SGCE: variants seen among roughly 807,000 people sequenced by gnomAD.
The protein encoded by SGCE is sarcoglycan epsilon.
A neutral mutation model predicts 57.8 loss-of-function variants in SGCE; 26 were observed. That is an observed-to-expected ratio of 0.45 (90% CI 0.33 to 0.62). The LOEUF is 0.62. SGCE is among the 20% of genes least tolerant of loss of function. SGCE has a pLI of 0.02. For synonymous variants in SGCE, 183 were observed against 189.5 expected (o/e 0.97, Z 0.28); for missense variants, 468 against 548.6 (o/e 0.85, Z 1.47).
intron 1 of SGCE, among the ~76,000 whole-genome samples, chr7:94,637,899 C>T (rs1249931302): frequency 1.3e-5 from 2 of 152,126 alleles, no homozygotes; most frequent in Non-Finnish European, 2.9e-5. Flanking sequence ...TTGGAGATGA[C>T]AGAGCAGAAG....
At chr7:94,624,162 C>CAAAAAAAAAA (rs11331999) in intron 3 of SGCE, 1 of 334,670 alleles carries the variant, frequency 3.0e-6, no homozygotes, top group Non-Finnish European at 5.2e-6. Flanking sequence ...TGCAGTACCT[C>CAAAAAAAAAA]AAAAAAAAAA....
At chr7:94,610,221 G>A (rs1377709456) in intron 5 of SGCE, among the ~76,000 whole-genome samples, 1 of 152,152 alleles carries the variant, frequency 6.6e-6, no homozygotes, top group Non-Finnish European at 1.5e-5. Context: ...GGATGAACAG[G>A]TGGGACATAG....
chr7:94,614,474 G>T (rs983081420), intron 5 of SGCE, among the ~76,000 whole-genome samples: 1 of 152,144 alleles, frequency 6.6e-6, no homozygotes, highest in African/African-American at 2.4e-5. Context: ...ACATGGTCTG[G>T]TCTTTGCCCC....
chr7:94,654,618 C>T (rs1808334811), intron 1 of SGCE, among the ~76,000 whole-genome samples: 2 of 149,836 alleles, frequency 1.3e-5, no homozygotes, highest in Admixed American at 6.7e-5. Flanking sequence ...ATTCATATTC[C>T]GGATAGTGGG....
At chr7:94,585,847 A>G (rs1304165010) in intron 10 of SGCE, among the ~76,000 whole-genome samples, 1 of 152,044 alleles carries the variant, frequency 6.6e-6, no homozygotes, top group Non-Finnish European at 1.5e-5. Flanking sequence ...GGCTTTTAAA[A>G]AAATATCATG....
At chr7:94,652,803 A>T (rs1482751087) in intron 1 of SGCE, among the ~76,000 whole-genome samples, 1 of 152,252 alleles carries the variant, frequency 6.6e-6, no homozygotes, top group Non-Finnish European at 1.5e-5. Flanking sequence ...TTGCTTAGAA[A>T]TAAATTTTCC....
At chr7:94,618,604 A>G in intron 5 of SGCE, 154 bp downstream of exon 5, 1 of 634,160 alleles carries the variant, frequency 1.6e-6, no homozygotes, top group East Asian at 2.8e-5. Context: ...ATCTTTGCCA[A>G]TATAGAAAAT....
chr7:94,605,744 G>C (rs1417201664), intron 5 of SGCE, among the ~76,000 whole-genome samples: 2 of 151,986 alleles, frequency 1.3e-5, no homozygotes, highest in African/African-American at 2.4e-5. Flanking sequence ...TAAAAAGTGG[G>C]AAAAGAGTGG....
At chr7:94,622,731 T>C (rs1447466776) in intron 4 of SGCE, 1 of 152,104 alleles carries the variant, frequency 6.6e-6, no homozygotes, top group East Asian at 1.9e-4. Flanking sequence ...TCCTTATCCC[T>C]AACCTTCAAA....
At position 94,618,954 on chromosome 7, in the gene SGCE, A is replaced by C. The variant is rs1802354470; in HGVS notation, c.466T>G (p.Phe156Val). 1.9e-6 allele frequency: 3 copies of C among 1,611,434 alleles called. No homozygotes were observed. Among genetic ancestry groups the C allele is most frequent in the Non-Finnish European group, 2.5e-6 (3 of 1,177,738 alleles). ...AATTCTGCTTGATATGGCAACGGGA[A>C]GTCTAATTTTGGTGAAAAAGGGCAT... ...LIINIMSAED[F>V]PLPYQAEFFI... Residue 156 changes from phenylalanine to valine, a missense_variant and splice_region_variant, in exon 5 of 11, where the codon TTC (phenylalanine) becomes GTC (valine). Phe to Val is a conservative substitution (Grantham distance 50). Transcript: ENST00000648936.
In SGCE at chr7:94,585,372, A is replaced by G; in HGVS notation, c.*127T>C. The G allele has an allele frequency of 1.2e-6, 1 of 841,152 alleles. No homozygotes were observed. 52.1% of individuals were successfully genotyped at this position (841,152 alleles called of 1,614,324 possible). On this transcript the variant is annotated 3_prime_UTR_variant, in exon 11 of 11. Transcript: ENST00000648936. ...AGTTATGTTGTATTATTTGGTATAC[A>G]CTTAATACTGCCAACATGCATAACA...
At chr7:94,587,613 A>T in intron 10 of SGCE, 1 of 1,394,146 alleles carries the variant, frequency 7.2e-7, no homozygotes, top group Non-Finnish European at 9.3e-7. Flanking sequence ...TTGTTCCTTC[A>T]TCAATCTCCT....
At chr7:94,610,410 C>T (rs1255976366) in intron 5 of SGCE, among the ~76,000 whole-genome samples, 1 of 152,126 alleles carries the variant, frequency 6.6e-6, no homozygotes, top group Non-Finnish European at 1.5e-5. Context: ...AAATATACCA[C>T]TCTGGTGGGG....
At chr7:94,638,000 C>T (rs981074368) in intron 1 of SGCE, among the ~76,000 whole-genome samples, 3 of 152,052 alleles carry the variant, frequency 2.0e-5, no homozygotes, top group Non-Finnish European at 2.9e-5. Context: ...TCAAAGAAGC[C>T]GATGGCCCTC....
chr7:94,588,624 C>G, intron 10 of SGCE, 65 bp downstream of exon 10: 1 of 1,548,598 alleles, frequency 6.5e-7, no homozygotes, highest in Non-Finnish European at 8.9e-7. Context: ...TTATATAGTG[C>G]CATAATTATC....
rs187568437 is a variant in SGCE, at chr7:94,618,970, A to G, written c.464-14T>C. 8 of 1,564,388 alleles carry G rather than the reference A, an allele frequency of 5.1e-6. No homozygotes were observed. The East Asian group carries it at 1.8e-4, about 35-fold the overall frequency. On this transcript the variant is annotated splice_polypyrimidine_tract_variant and intron_variant, in intron 4 of 10. Transcript: ENST00000648936. ...GCAACGGGAAGTCTAATTTTGGTGA[A>G]AAAGGGCATGCATATCTTTAATGAA...
At chr7:94,603,008 A>G (rs1175731705) in intron 6 of SGCE, among the ~76,000 whole-genome samples, 1 of 152,184 alleles carries the variant, frequency 6.6e-6, no homozygotes, top group Non-Finnish European at 1.5e-5. Flanking sequence ...ATCTGTGCTC[A>G]TTAGCAGCTA....
Position 94,601,647 on chromosome 7 carries a change from AT to A in SGCE, c.826-791del, listed in dbSNP as rs372399065. ...AATGCTGGGGAGAATTAGTTGCAGC[AT>A]TATTCAGTATCTTCTCCCAAAAAAC... On this transcript the variant is annotated intron_variant, in intron 6 of 10. Coordinates refer to ENST00000648936, the MANE Select transcript of SGCE (RefSeq NM_003919.3). 1.1e-3 allele frequency among the ~76,000 whole-genome samples: 162 copies of A among 152,224 alleles called. 1 individual carries two copies. The highest frequency in any genetic ancestry group is 3.6e-3 in the African/African-American group (149 of 41,546).
chr7:94,644,047 A>C (rs899216477), intron 1 of SGCE, among the ~76,000 whole-genome samples: 1 of 152,242 alleles, frequency 6.6e-6, no homozygotes, highest in African/African-American at 2.4e-5. Flanking sequence ...CACCAGGTTC[A>C]TGGTAATCTA....
Sources: allele counts gnomAD v4.1 joint callset (sites outside exome capture counted in the v4.1 genomes callset), GRCh38; gene constraint gnomAD v4.1.1; transcripts MANE v1.5; gene names NCBI Gene and HGNC (gene_info 2026-07-23, HGNC 2026-07-21).